THSD7B: variants seen among roughly 807,000 people sequenced by gnomAD.
THSD7B encodes the protein thrombospondin type 1 domain containing 7B, also known as thrombospondin type-1 domain-containing protein 7B.
THSD7B carries 138 observed loss-of-function variants against 213.6 expected under a neutral mutation model. That is an observed-to-expected ratio of 0.65 (90% confidence interval 0.56 to 0.74). The LOEUF (loss-of-function observed/expected upper bound fraction) is 0.74. Among genes scored for constraint, THSD7B ranks in the 30% least tolerant of loss-of-function variants. THSD7B has a pLI of 0.00. For missense variants in THSD7B, 1,931 were observed against 1,991.5 expected, an observed-to-expected ratio of 0.97 and a Z score of 0.58; for synonymous variants, 742 against 687.0, an observed-to-expected ratio of 1.08 and a Z score of -1.25.
intron 14 of THSD7B, among the ~76,000 whole-genome samples, chr2:137,434,201 A>C (rs1404472359): frequency 6.6e-6 from 1 of 152,180 alleles, no homozygotes; most frequent in Non-Finnish European, 1.5e-5. Context: ...AAATCCCTCT[A>C]GCTCTTTACA....
At chr2:137,507,619 A>G (rs1679865967) in intron 15 of THSD7B, among the ~76,000 whole-genome samples, 1 of 152,158 alleles carries the variant, frequency 6.6e-6, no homozygotes, top group African/African-American at 2.4e-5. Flanking sequence ...TTACCCTTCA[A>G]ATAGGAGATT....
At chr2:137,265,070 A>G (rs1372889942) in intron 10 of THSD7B, among the ~76,000 whole-genome samples, 1 of 152,110 alleles carries the variant, frequency 6.6e-6, no homozygotes, top group East Asian at 1.9e-4. Context: ...GAGTGAGAAT[A>G]TGCAGTGTTT....
chr2:137,461,098 A>AT (rs1573638861), intron 15 of THSD7B, among the ~76,000 whole-genome samples: 1 of 151,982 alleles, frequency 6.6e-6, no homozygotes, highest in South Asian at 2.1e-4. Context: ...TATATACCAC[A>AT]TTTTTTCATT....
chr2:137,075,941 C>T (rs1573806763), intron 3 of THSD7B, among the ~76,000 whole-genome samples: 1 of 152,150 alleles, frequency 6.6e-6, no homozygotes, highest in Admixed American at 6.5e-5. Flanking sequence ...GATTGTTCCT[C>T]TGGAAGTTTT....
chr2:137,080,367 GTT>G (rs70975798), intron 3 of THSD7B, among the ~76,000 whole-genome samples: 13,468 of 98,470 alleles, frequency 0.14, 739 homozygotes, highest in East Asian at 0.24. Context: ...ATGCCCAGCT[GTT>G]TTTTTTTTTT....
intron 2 of THSD7B, among the ~76,000 whole-genome samples, chr2:137,035,187 A>G (rs2104856194): frequency 6.6e-6 from 1 of 152,318 alleles, no homozygotes; most frequent in East Asian, 1.9e-4. Flanking sequence ...TCTTATCATT[A>G]GGCCATCTTT....
At chr2:137,374,266 A>C (rs917411484) in intron 12 of THSD7B, among the ~76,000 whole-genome samples, 2 of 152,010 alleles carry the variant, frequency 1.3e-5, no homozygotes, top group Admixed American at 6.6e-5. Flanking sequence ...CTCCACTTTT[A>C]TTCTGTGATG....
At chr2:136,967,582 T>C (rs1259642702) in intron 2 of THSD7B, among the ~76,000 whole-genome samples, 1 of 152,194 alleles carries the variant, frequency 6.6e-6, no homozygotes, top group East Asian at 1.9e-4. Flanking sequence ...TCAAAATATG[T>C]GTTTATTTGA....
rs1381779790 is a variant in THSD7B, at chr2:137,231,120, G to A, written c.1800G>A (p.Met600Ile). ...AGTCTTGTGAAATTCCCTGCCGAAT[G>A]GACTGTGTGCTGAGCGAGTGGACGG... ...ERKSCEIPCR[M>I]DCVLSEWTEW... Residue 600 changes from methionine (M) to isoleucine (I), a missense_variant, in exon 8 of 28, where the codon ATG (methionine) becomes ATA (isoleucine). Physicochemically the swap from Met to Ile is conservative, Grantham distance 10. Coordinates refer to ENST00000409968, the MANE Select transcript of THSD7B (RefSeq NM_001316349.2). 2 of 1,613,692 alleles carry A rather than the reference G, an allele frequency of 1.2e-6. No homozygotes were observed. The highest frequency in any genetic ancestry group is 1.7e-5 in the Admixed American group (1 of 59,976).
chr2:136,805,070 C>A (rs1342934838), intron 1 of THSD7B, among the ~76,000 whole-genome samples: 3 of 152,148 alleles, frequency 2.0e-5, no homozygotes, highest in Non-Finnish European at 4.4e-5. Context: ...CAGGGCATAG[C>A]TGCTCTTTCT....
intron 2 of THSD7B, among the ~76,000 whole-genome samples, chr2:137,037,028 G>A (rs760476538): frequency 2.5e-4 from 38 of 152,034 alleles, no homozygotes; most frequent in Non-Finnish European, 4.7e-4. Context: ...GTAATTTTCT[G>A]ACTCAGTGTT....
At chr2:136,903,585 C>T (rs1573700817) in intron 2 of THSD7B, among the ~76,000 whole-genome samples, 1 of 152,094 alleles carries the variant, frequency 6.6e-6, no homozygotes, top group East Asian at 1.9e-4. Flanking sequence ...CCCTACTTCA[C>T]CCCAGCCCTT....
At chr2:137,379,302 T>C (rs1233159892) in intron 12 of THSD7B, among the ~76,000 whole-genome samples, 1 of 152,220 alleles carries the variant, frequency 6.6e-6, no homozygotes, top group East Asian at 1.9e-4. Flanking sequence ...AAGTTTATAA[T>C]TGGGCTCCTG....
chr2:137,310,320 T>A (rs1451960620), intron 12 of THSD7B, among the ~76,000 whole-genome samples: 2 of 148,494 alleles, frequency 1.3e-5, no homozygotes, highest in Non-Finnish European at 3.0e-5. Flanking sequence ...AAGTGTCTGT[T>A]CATGTCCTTT....
chr2:137,369,401 A>C (rs1168369227), intron 12 of THSD7B, among the ~76,000 whole-genome samples: 1 of 152,206 alleles, frequency 6.6e-6, no homozygotes, highest in African/African-American at 2.4e-5. Flanking sequence ...CCTCAATGCC[A>C]GAATTCATGT....
intron 12 of THSD7B, among the ~76,000 whole-genome samples, chr2:137,330,042 G>C (rs1163529810): frequency 6.6e-6 from 1 of 152,194 alleles, no homozygotes; most frequent in African/African-American, 2.4e-5. Flanking sequence ...GCTTCAGAGG[G>C]TGCAATCTTT....
At chr2:137,044,412 C>T (rs575162677) in intron 2 of THSD7B, among the ~76,000 whole-genome samples, 1 of 152,216 alleles carries the variant, frequency 6.6e-6, no homozygotes, top group East Asian at 1.9e-4. Flanking sequence ...GCTGCGGTTA[C>T]TATGATGAAC....
chr2:137,564,133 A>G (rs376951198), intron 16 of THSD7B, among the ~76,000 whole-genome samples: 1 of 152,232 alleles, frequency 6.6e-6, no homozygotes, highest in Non-Finnish European at 1.5e-5. Flanking sequence ...TTGCACATGC[A>G]TAGTGTATTA....
At chr2:137,508,914 T>G (rs2105148636) in intron 15 of THSD7B, among the ~76,000 whole-genome samples, 1 of 152,190 alleles carries the variant, frequency 6.6e-6, no homozygotes, top group African/African-American at 2.4e-5. Flanking sequence ...ACCTGTTTTC[T>G]GCCTCAGGGC....
Sources: gnomAD v4.1 joint callset for allele counts (sites outside exome capture counted in the v4.1 genomes callset) on GRCh38, gnomAD v4.1.1 for gene constraint, MANE v1.5 for transcripts, NCBI Gene and HGNC (gene_info 2026-07-23, HGNC 2026-07-21) for gene names.